The following DPP10 variants were observed in gnomAD, a reference collection of about 807,000 sequenced individuals.
The protein encoded by DPP10 is dipeptidyl peptidase like 10, also known as inactive dipeptidyl peptidase 10.
A neutral mutation model predicts 120.9 loss-of-function variants in DPP10; 33 were observed. That is an observed-to-expected ratio of 0.27 (90% CI 0.21 to 0.37). DPP10 has a LOEUF of 0.37. DPP10 is among the 10% of genes least tolerant of loss of function. DPP10 has a pLI of 1.00. For synonymous variants in DPP10, 337 were observed against 326.1 expected (o/e 1.03, Z -0.36); for missense variants, 816 against 942.8 (o/e 0.87, Z 1.76).
Position 115,582,820 on chromosome 2 carries a change from A to G in DPP10, c.441+56848A>G, listed in dbSNP as rs1372160167. Among the ~76,000 whole-genome samples the G allele has an allele frequency of 5.9e-5, 9 of 152,312 alleles. No homozygotes were observed. The East Asian group carries it at 1.2e-3, about 20-fold the overall frequency. On this transcript the variant is annotated intron_variant, in intron 5 of 25. Coordinates refer to ENST00000410059, the MANE Select transcript of DPP10 (RefSeq NM_020868.6). ...CGGGGTTGTTAATGGCTTATCTAAC[A>G]TCTCACAGTTAATATCACTTATTCT...
rs146629667 is a variant in DPP10 at position 114,860,774 on chromosome 2, T to G, written c.60+417936T>G. 1.7e-3 allele frequency among the ~76,000 whole-genome samples: 258 copies of G among 152,292 alleles called. 1 individual carries two copies. The highest frequency in any genetic ancestry group is 3.2e-3 in the Admixed American group (49 of 15,284). On this transcript the variant is annotated intron_variant, in intron 1 of 25. Transcript: ENST00000410059. ...CATCTTTATTTTTCCCTATTGTTTTTACTTTTTGGATGACAAGGCATTCTC... is the reference window on the plus strand; with the variant it reads ...CATCTTTATTTTTCCCTATTGTTTTGACTTTTTGGATGACAAGGCATTCTC...
intron 5 of DPP10, among the ~76,000 whole-genome samples, chr2:115,567,116 G>T (rs545537783): frequency 2.8e-4 from 42 of 151,772 alleles, no homozygotes; most frequent in Admixed American, 1.2e-3. Context: ...AGTACTATTT[G>T]GTGTCTTTTT....
intron 1 of DPP10, among the ~76,000 whole-genome samples, chr2:115,255,405 G>A (rs1267845335): frequency 6.6e-6 from 1 of 152,182 alleles, no homozygotes; most frequent in African/African-American, 2.4e-5. Context: ...CTCTTGGCCT[G>A]TGATAGGAGG....
At chr2:114,534,184 G>A (rs920345305) in intron 1 of DPP10, among the ~76,000 whole-genome samples, 3 of 151,786 alleles carry the variant, frequency 2.0e-5, no homozygotes, top group Non-Finnish European at 4.4e-5. Context: ...TTCTCTTTTT[G>A]TTTCATGTCT....
intron 7 of DPP10, among the ~76,000 whole-genome samples, chr2:115,713,576 G>T (rs1005438633): frequency 1.3e-5 from 2 of 152,174 alleles, no homozygotes; most frequent in East Asian, 3.9e-4. Context: ...TTGCTGTGAT[G>T]ATGGGATTCA....
intron 1 of DPP10, among the ~76,000 whole-genome samples, chr2:114,913,604 C>T (rs1443529258): frequency 1.3e-5 from 2 of 152,200 alleles, no homozygotes; most frequent in Admixed American, 6.5e-5. Context: ...AGATTAAGGA[C>T]ACTTCAGCCC....
chr2:115,726,141 G>A (rs2092761194), intron 7 of DPP10, among the ~76,000 whole-genome samples: 1 of 152,102 alleles, frequency 6.6e-6, no homozygotes, highest in Non-Finnish European at 1.5e-5. Flanking sequence ...CATGTCCCTT[G>A]CCTTCCTACT....
In DPP10 at chr2:114,776,481, A is replaced by T. The variant is rs371393024; in HGVS notation, c.60+333643A>T. 5.3e-5 allele frequency among the ~76,000 whole-genome samples: 8 copies of T among 152,290 alleles called. No homozygotes were observed. In the East Asian group the frequency reaches 7.7e-4, roughly 15 times the overall value. Reference sequence around the variant, plus strand: ...CTCCTAGCTTTTCTCTACTGAATGCAATCTCCGTTATCAGGCCATAAGCTC... The same window carrying T: ...CTCCTAGCTTTTCTCTACTGAATGCTATCTCCGTTATCAGGCCATAAGCTC... On this transcript the variant is annotated intron_variant, in intron 1 of 25. Transcript: ENST00000410059.
At chr2:114,901,260 T>G (rs1193202231) in intron 1 of DPP10, among the ~76,000 whole-genome samples, 1 of 152,162 alleles carries the variant, frequency 6.6e-6, no homozygotes, top group African/African-American at 2.4e-5. Flanking sequence ...TGCAGTGGCA[T>G]GAACTCTGCT....
chr2:114,923,472 CTTTTTTTTTT>C (rs71394115), intron 1 of DPP10, among the ~76,000 whole-genome samples: 22 of 69,406 alleles, frequency 3.2e-4, no homozygotes, highest in East Asian at 8.2e-4. Flanking sequence ...GCCTTTTTTC[CTTTTTTTTTT>C]TTTTTTTTTT....
chr2:114,658,371 T>C (rs1293392802), intron 1 of DPP10, among the ~76,000 whole-genome samples: 1 of 152,142 alleles, frequency 6.6e-6, no homozygotes, highest in Non-Finnish European at 1.5e-5. Flanking sequence ...GGCTAAAAGA[T>C]AGGAGATTAA....
intron 1 of DPP10, among the ~76,000 whole-genome samples, chr2:114,972,184 T>A (rs2104794492): frequency 6.6e-6 from 1 of 152,312 alleles, no homozygotes; most frequent in South Asian, 2.1e-4. Context: ...TTGTTCTCAT[T>A]AATTTTCCTG....
At chr2:115,433,421 GT>G (rs2071192261) in intron 3 of DPP10, among the ~76,000 whole-genome samples, 1 of 151,946 alleles carries the variant, frequency 6.6e-6, no homozygotes, top group Non-Finnish European at 1.5e-5. Flanking sequence ...GTGTATGTGT[GT>G]TTCCGTGTGT....
intron 1 of DPP10, among the ~76,000 whole-genome samples, chr2:114,745,295 T>C (rs1356604584): frequency 6.6e-6 from 1 of 152,214 alleles, no homozygotes; most frequent in Admixed American, 6.5e-5. Flanking sequence ...ACCTGCCTCA[T>C]GCCAGAGTTT....
At chr2:115,437,554 TAA>T (rs2071607044) in intron 3 of DPP10, among the ~76,000 whole-genome samples, 1 of 152,064 alleles carries the variant, frequency 6.6e-6, no homozygotes, top group African/African-American at 2.4e-5. Context: ...TAGTATTATC[TAA>T]GTTATTTATG....
intron 7 of DPP10, among the ~76,000 whole-genome samples, chr2:115,715,250 A>G (rs2092452510): frequency 6.7e-6 from 1 of 148,634 alleles, no homozygotes. Flanking sequence ...GAGGCAGGAG[A>G]ATCACTTGAA....
chr2:115,237,134 A>AT (rs201551667), intron 1 of DPP10, among the ~76,000 whole-genome samples: 5 of 148,936 alleles, frequency 3.4e-5, no homozygotes, highest in South Asian at 4.3e-4. Flanking sequence ...CAGACAATGC[A>AT]TTTTTTTTTT....
intron 1 of DPP10, among the ~76,000 whole-genome samples, chr2:115,073,491 G>A (rs1707540870): frequency 6.6e-6 from 1 of 152,232 alleles, no homozygotes; most frequent in Admixed American, 6.5e-5. Flanking sequence ...AAGATGGGCT[G>A]TTAGAGGGCA....
At chr2:115,492,250 G>A (rs913058525) in intron 3 of DPP10, among the ~76,000 whole-genome samples, 4 of 152,116 alleles carry the variant, frequency 2.6e-5, no homozygotes, top group Non-Finnish European at 5.9e-5. Flanking sequence ...TAAAGATAAA[G>A]CATGGCTGAC....
Sources: gnomAD v4.1 joint callset for allele counts (sites outside exome capture counted in the v4.1 genomes callset) on GRCh38, gnomAD v4.1.1 for gene constraint, MANE v1.5 for transcripts, NCBI Gene and HGNC (gene_info 2026-07-23, HGNC 2026-07-21) for gene names.